Variants in MACROD2 observed in about 807,000 individuals in gnomAD.
MACROD2 encodes mono-ADP ribosylhydrolase 2, also known as ADP-ribose glycohydrolase MACROD2.
In MACROD2, 36 loss-of-function variants were observed where a neutral mutation model predicts 70.4. The ratio of observed to expected loss-of-function variants is 0.51; its 90% CI spans 0.39 to 0.68. MACROD2 has a LOEUF of 0.68. MACROD2 is among the 30% of genes least tolerant of loss of function. MACROD2 has a pLI of 0.00. For synonymous variants in MACROD2, 172 were observed against 178.8 expected (o/e 0.96, Z 0.30); for missense variants, 496 against 538.4 (o/e 0.92, Z 0.78).
intron 3 of MACROD2, among the ~76,000 whole-genome samples, chr20:14,277,684 G>A (rs2082271258): frequency 1.3e-5 from 2 of 152,024 alleles, no homozygotes; most frequent in East Asian, 1.9e-4. Context: ...TTTAGTGCCA[G>A]GCATTGTACT....
In MACROD2 at chr20:14,085,661, G is replaced by A; in HGVS notation, c.204G>A (p.Leu68=). The change falls in exon 3 of 18, where the codon TTG becomes TTA. Residue 68 remains leucine, a synonymous_variant. Coordinates refer to ENST00000684519, the MANE Select transcript of MACROD2 (RefSeq NM_001351661.2). ...TQETSQVKKS[L]TEKVSLYRGD... Reference sequence around the variant, plus strand: ...AAACATCCCAGGTGAAGAAAAGTTTGACTGAAAAAGTTTCTCTCTATAGAG... The same window carrying A: ...AAACATCCCAGGTGAAGAAAAGTTTAACTGAAAAAGTTTCTCTCTATAGAG... The A allele has an allele frequency of 6.3e-7, 1 of 1,581,736 alleles. No individual in the cohort carries two copies.
intron 4 of MACROD2, among the ~76,000 whole-genome samples, chr20:14,572,830 T>C (rs893806839): frequency 3.3e-5 from 5 of 151,562 alleles, no homozygotes; most frequent in Admixed American, 2.0e-4. Flanking sequence ...TCAGTGCTAA[T>C]ATATAATACT....
intron 12 of MACROD2, 114 bp downstream of exon 12, chr20:15,937,658 GTC>G (rs1258608761): frequency 5.5e-6 from 5 of 902,266 alleles, no homozygotes; most frequent in Non-Finnish European, 7.0e-6. Context: ...TTTCTTAAGT[GTC>G]TCTGTTTCCA....
chr20:14,291,583 G>T (rs537535229), intron 3 of MACROD2, among the ~76,000 whole-genome samples: 1 of 151,894 alleles, frequency 6.6e-6, no homozygotes, highest in Non-Finnish European at 1.5e-5. Context: ...CCATAAAAAA[G>T]TTGAAACTGT....
chr20:15,252,260 C>A (rs985836174), intron 6 of MACROD2, among the ~76,000 whole-genome samples: 2 of 152,174 alleles, frequency 1.3e-5, no homozygotes, highest in African/African-American at 4.8e-5. Flanking sequence ...CAAACTCAAT[C>A]AAGTGTTTGA....
intron 5 of MACROD2, among the ~76,000 whole-genome samples, chr20:15,145,752 T>C (rs1338132046): frequency 6.6e-6 from 1 of 152,060 alleles, no homozygotes; most frequent in Non-Finnish European, 1.5e-5. Context: ...GATTTTTAAT[T>C]TAAAAAAATT....
chr20:14,564,459 G>T (rs920752303), intron 4 of MACROD2, among the ~76,000 whole-genome samples: 1 of 151,866 alleles, frequency 6.6e-6, no homozygotes, highest in Non-Finnish European at 1.5e-5. Context: ...CTGGACAAAG[G>T]TCTAATATCC....
intron 10 of MACROD2, among the ~76,000 whole-genome samples, chr20:15,923,333 A>T (rs2065440450): frequency 6.6e-6 from 1 of 152,038 alleles, no homozygotes; most frequent in Admixed American, 6.6e-5. Context: ...AAAAGCAGAA[A>T]CCCCTGATAA....
At chr20:14,990,273 G>A (rs1212889792) in intron 5 of MACROD2, among the ~76,000 whole-genome samples, 3 of 152,048 alleles carry the variant, frequency 2.0e-5, no homozygotes, top group Non-Finnish European at 4.4e-5. Context: ...GTTGCCTTTG[G>A]AAGGATGTGA....
At chr20:14,003,527 T>C (rs1403403654) in intron 2 of MACROD2, 2 of 285,130 alleles carry the variant, frequency 7.0e-6, no homozygotes, top group Non-Finnish European at 1.4e-5. Context: ...TAAATGCAAG[T>C]TGTTTTAAGA....
intron 3 of MACROD2, among the ~76,000 whole-genome samples, chr20:14,164,682 G>A (rs1466678723): frequency 4.6e-5 from 7 of 152,106 alleles, no homozygotes; most frequent in African/African-American, 7.2e-5. Flanking sequence ...CCTGACCGCA[G>A]GCTCTGGGAG....
At chr20:14,286,831 T>C (rs913715218) in intron 3 of MACROD2, among the ~76,000 whole-genome samples, 2 of 152,192 alleles carry the variant, frequency 1.3e-5, no homozygotes, top group African/African-American at 2.4e-5. Context: ...TATTCTTGTC[T>C]CATGCCAGGA....
chr20:15,536,881 G>A (rs1005530458), intron 8 of MACROD2, among the ~76,000 whole-genome samples: 2 of 152,082 alleles, frequency 1.3e-5, no homozygotes, highest in Admixed American at 1.3e-4. Context: ...TGCTTAAGTG[G>A]AGTTTTCTTT....
intron 6 of MACROD2, among the ~76,000 whole-genome samples, chr20:15,251,516 T>G (rs2077155866): frequency 6.6e-6 from 1 of 152,328 alleles, no homozygotes; most frequent in Admixed American, 6.5e-5. Context: ...CCTATATTCC[T>G]TAATGAAGGA....
chr20:14,499,958 A>G (rs1420944065), intron 4 of MACROD2, among the ~76,000 whole-genome samples: 3 of 152,196 alleles, frequency 2.0e-5, no homozygotes, highest in African/African-American at 7.2e-5. Flanking sequence ...TTTAAGAACT[A>G]AATAGGTTCT....
At chr20:14,839,798 T>C (rs958799367) in intron 5 of MACROD2, among the ~76,000 whole-genome samples, 1 of 152,116 alleles carries the variant, frequency 6.6e-6, no homozygotes, top group South Asian at 2.1e-4. Flanking sequence ...ATTCCGATTA[T>C]AGGTATAAGC....
intron 3 of MACROD2, among the ~76,000 whole-genome samples, chr20:14,221,378 G>A (rs951287544): frequency 5.3e-5 from 8 of 152,124 alleles, no homozygotes; most frequent in Admixed American, 2.6e-4. Context: ...TTGGGGGGCT[G>A]ACACAAGTGC....
intron 8 of MACROD2, among the ~76,000 whole-genome samples, chr20:15,738,754 T>C (rs2051061922): frequency 6.6e-6 from 1 of 152,008 alleles, no homozygotes; most frequent in African/African-American, 2.4e-5. Flanking sequence ...CAGAACCACC[T>C]CATAATAGGT....
chr20:14,032,292 G>A (rs6079263), intron 2 of MACROD2, among the ~76,000 whole-genome samples: 112,824 of 151,988 alleles, frequency 0.74, 43,142 homozygotes, highest in South Asian at 0.84. Flanking sequence ...ACCCTTGTGT[G>A]TATGTGTGAG....
Sources: allele counts gnomAD v4.1 joint callset (sites outside exome capture counted in the v4.1 genomes callset), GRCh38; gene constraint gnomAD v4.1.1; transcripts MANE v1.5; gene names NCBI Gene and HGNC (gene_info 2026-07-23, HGNC 2026-07-21).